The following LDB2 variants were observed in gnomAD, a reference collection of about 807,000 sequenced individuals.
The protein encoded by LDB2 is LIM domain-binding protein 2.
LDB2 carries 12 observed loss-of-function variants against 44.3 expected under a neutral mutation model. The observed-to-expected ratio is 0.27, with a 90% CI of 0.17 to 0.44. The LOEUF is 0.44. LDB2 is among the 20% of genes least tolerant of loss of function. The pLI is 1.00. For missense variants in LDB2, 344 were observed against 473.5 expected (o/e 0.73, Z 2.54); for synonymous variants, 164 against 174.8 (o/e 0.94, Z 0.49).
At chr4:16,762,059 G>C (rs779034182) in intron 1 of LDB2, among the ~76,000 whole-genome samples, 6 of 152,130 alleles carry the variant, frequency 3.9e-5, no homozygotes, top group Non-Finnish European at 8.8e-5. Context: ...AGCCAGGCGT[G>C]GTGGTGGGCA....
chr4:16,589,279 A>T (rs1350069933), intron 3 of LDB2, among the ~76,000 whole-genome samples: 1 of 152,170 alleles, frequency 6.6e-6, no homozygotes, highest in Non-Finnish European at 1.5e-5. Context: ...AGTTACTACA[A>T]CTTGATCTGA....
At chr4:16,792,862 G>A (rs1776046538) in intron 1 of LDB2, among the ~76,000 whole-genome samples, 1 of 152,198 alleles carries the variant, frequency 6.6e-6, no homozygotes, top group Non-Finnish European at 1.5e-5. Flanking sequence ...TTTTCAAAAT[G>A]TTTTCAGCAT....
intron 5 of LDB2, among the ~76,000 whole-genome samples, chr4:16,542,583 G>C (rs62296900): frequency 0.31 from 46,765 of 151,936 alleles, 9,091 homozygotes; most frequent in African/African-American, 0.55. Flanking sequence ...CCTTATAATC[G>C]ATTCAAAGAC....
chr4:16,682,832 T>C (rs1748286015), intron 2 of LDB2, among the ~76,000 whole-genome samples: 1 of 152,246 alleles, frequency 6.6e-6, no homozygotes, highest in Non-Finnish European at 1.5e-5. Flanking sequence ...ATGTCATTAC[T>C]TGTTCACAAC....
Position 16,502,537 on chromosome 4 carries a change from C to T in LDB2, c.*106G>A. ...ATTGTGGTTTAGAAATAGATATTTG[C>T]ATGGAAAAGTTTTTATCTCTTCTGT... is the stretch of plus-strand genomic sequence containing the variant. On this transcript the variant is annotated 3_prime_UTR_variant, in exon 8 of 8. Coordinates refer to ENST00000304523, the MANE Select transcript of LDB2 (RefSeq NM_001290.5). 7.2e-7 allele frequency: 1 copy of T among 1,395,410 alleles called. No individual in the cohort carries two copies. The highest frequency in any genetic ancestry group is 9.9e-7 in the Non-Finnish European group (1 of 1,008,828). The allele number at this position is 1,395,410 out of a possible 1,614,324, so 86.4% of individuals were successfully genotyped here.
chr4:16,502,947 G>A, intron 7 of LDB2, 74 bp from the exon 8 acceptor site: 1 of 1,604,390 alleles, frequency 6.2e-7, no homozygotes, highest in Non-Finnish European at 8.5e-7. Context: ...ACAGTGGGAG[G>A]AGTCGGGGAA....
At chr4:16,827,229 G>T (rs987356509) in intron 1 of LDB2, among the ~76,000 whole-genome samples, 12 of 152,212 alleles carry the variant, frequency 7.9e-5, no homozygotes, top group African/African-American at 2.9e-4. Context: ...AGAGAAGGCA[G>T]CTCCACTCGG....
chr4:16,579,057 G>A lies in LDB2; in HGVS notation c.615+6865C>T, dbSNP rs181934025. On this transcript the variant is annotated intron_variant, in intron 5 of 7. Coordinates refer to ENST00000304523, the MANE Select transcript of LDB2 (RefSeq NM_001290.5). Reference sequence around the variant, plus strand: ...ACAGATTGGGAAGGGTCAGGGTGGCGGAAAAGGAGGATGGTTAATTGGTGC... The same window carrying A: ...ACAGATTGGGAAGGGTCAGGGTGGCAGAAAAGGAGGATGGTTAATTGGTGC... Among the ~76,000 whole-genome samples the A allele has an allele frequency of 6.3e-3, 961 of 152,182 alleles. 6 individuals are homozygous for A. Among genetic ancestry groups the A allele is most frequent in the Middle Eastern group, 0.014 (4 of 294 alleles).
At chr4:16,563,427 AGATTTTTTT>A (rs1743212906) in intron 5 of LDB2, among the ~76,000 whole-genome samples, 1 of 111,150 alleles carries the variant, frequency 9.0e-6, no homozygotes, top group Admixed American at 1.1e-4. Context: ...ATCAGTCATC[AGATTTTTTT>A]TTTTTTTTTT....
At chr4:16,505,769 A>T in intron 7 of LDB2, 3 of 1,440,760 alleles carry the variant, frequency 2.1e-6, no homozygotes, top group Non-Finnish European at 2.8e-6. Flanking sequence ...CCTTGCTGGA[A>T]GCCCGGAGGT....
intron 2 of LDB2, among the ~76,000 whole-genome samples, chr4:16,756,597 A>G (rs1561119204): frequency 6.6e-6 from 1 of 152,148 alleles, no homozygotes; most frequent in Non-Finnish European, 1.5e-5. Flanking sequence ...GATTATATAA[A>G]CTTTTCTACA....
chr4:16,604,759 A>G (rs946129165), intron 2 of LDB2, among the ~76,000 whole-genome samples: 8 of 152,194 alleles, frequency 5.3e-5, no homozygotes, highest in African/African-American at 1.9e-4. Context: ...GTCTAATTTG[A>G]CTGTATGCCT....
intron 2 of LDB2, among the ~76,000 whole-genome samples, chr4:16,727,932 G>C (rs1404514755): frequency 2.6e-5 from 4 of 152,144 alleles, no homozygotes; most frequent in Non-Finnish European, 4.4e-5. Context: ...AGCTCAGGAA[G>C]GTTTACAGTC....
intron 1 of LDB2, among the ~76,000 whole-genome samples, chr4:16,809,478 G>T (rs190617998): frequency 1.5e-4 from 23 of 152,270 alleles, no homozygotes; most frequent in Admixed American, 1.5e-3. Flanking sequence ...GGCAGATGCA[G>T]GCACAATTAC....
intron 2 of LDB2, among the ~76,000 whole-genome samples, chr4:16,613,573 C>G (rs979431178): frequency 6.6e-6 from 1 of 152,162 alleles, no homozygotes; most frequent in African/African-American, 2.4e-5. Context: ...AGCAAAGTCT[C>G]AGGATACAAA....
chr4:16,626,398 A>G (rs1429344295), intron 2 of LDB2, among the ~76,000 whole-genome samples: 1 of 152,222 alleles, frequency 6.6e-6, no homozygotes, highest in African/African-American at 2.4e-5. Context: ...TCACATGTCA[A>G]AAAAGTACTG....
At position 16,566,197 on chromosome 4, in the gene LDB2, G is replaced by GA. The variant is rs944637362; in HGVS notation, c.615+19724dup. Among the ~76,000 whole-genome samples, 34 of 151,398 alleles carry GA rather than the reference G, an allele frequency of 2.2e-4. 1 individual carries two copies. The highest frequency in any genetic ancestry group is 4.2e-4 in the South Asian group (2 of 4,800). ...GATAATCTGATTCCAAAGTTCAAAT[G>GA]AAAAAAAAGTCACAAGGATTCACAA... On this transcript the variant is annotated intron_variant, in intron 5 of 7. Transcript: ENST00000304523.
At chr4:16,518,622 A>G (rs921489208) in intron 5 of LDB2, among the ~76,000 whole-genome samples, 2 of 152,164 alleles carry the variant, frequency 1.3e-5, no homozygotes, top group Non-Finnish European at 2.9e-5. Context: ...AGCAAAGCTC[A>G]GTAGTTGGAC....
intron 5 of LDB2, among the ~76,000 whole-genome samples, chr4:16,563,267 C>T (rs1054553517): frequency 6.6e-6 from 1 of 151,176 alleles, no homozygotes; most frequent in Non-Finnish European, 1.5e-5. Flanking sequence ...CTAGATCTCC[C>T]TCAGGATTCC....
Sources: gnomAD v4.1 joint callset for allele counts (sites outside exome capture counted in the v4.1 genomes callset) on GRCh38, gnomAD v4.1.1 for gene constraint, MANE v1.5 for transcripts, NCBI Gene and HGNC (gene_info 2026-07-23, HGNC 2026-07-21) for gene names.